SLC9A6: variants seen among roughly 807,000 people sequenced by gnomAD.
SLC9A6 encodes the protein solute carrier family 9 member A6, also known as sodium/hydrogen exchanger 6.
In SLC9A6, 6 loss-of-function variants were observed where a neutral mutation model predicts 45.3. The observed-to-expected ratio is 0.13, with a 90% confidence interval of 0.07 to 0.26. The LOEUF (loss-of-function observed/expected upper bound fraction) is 0.26. Ranked by LOEUF, SLC9A6 falls within the 10% of genes least tolerant of loss-of-function variation. The pLI is 1.00. For missense variants in SLC9A6, 278 were observed against 503.7 expected (o/e 0.55, Z 4.29); for synonymous variants, 191 against 187.7 (o/e 1.02, Z -0.14).
chrX:136,021,287 C>G (rs1347217101), intron 11 of SLC9A6, among the ~76,000 whole-genome samples: 1 of 111,586 alleles, frequency 9.0e-6, no homozygotes, highest in Admixed American at 9.6e-5. Flanking sequence ...CTGGCCTCCT[C>G]CTCTTTCTGA....
intron 11 of SLC9A6, among the ~76,000 whole-genome samples, chrX:136,021,367 C>G (rs1244425871): frequency 8.9e-6 from 1 of 111,762 alleles, no homozygotes; most frequent in Non-Finnish European, 1.9e-5. Flanking sequence ...CCTAATTGTT[C>G]AGTTTCAGTA....
chrX:136,030,083 C>A (rs2071292843), intron 14 of SLC9A6, 49 bp from the exon 15 acceptor site: 1 of 1,164,143 alleles, frequency 8.6e-7, no homozygotes. Flanking sequence ...TGTGAATAGA[C>A]CATTTTTTGG....
rs968757526 is a variant in SLC9A6 at position 136,045,834 on chromosome X, C to A, written c.*1110C>A. 3 of 111,919 alleles carry A rather than the reference C, an allele frequency of 2.7e-5. No individual in the cohort carries two copies. Among genetic ancestry groups the A allele is most frequent in the Admixed American group, 9.6e-5 (1 of 10,465 alleles). 9.2% of individuals were successfully genotyped at this position (111,919 alleles called of 1,213,427 possible). ...CACCAAAGTCAGTCATAAGAGAAAT[C>A]GAATATTCTGGAGCACTGATTGCAG... On this transcript the variant is annotated 3_prime_UTR_variant, in exon 18 of 18. Transcript: ENST00000630721.
chrX:136,021,637 G>T (rs1254468490), intron 11 of SLC9A6, among the ~76,000 whole-genome samples: 1 of 111,767 alleles, frequency 8.9e-6, no homozygotes, highest in Admixed American at 9.5e-5. Context: ...AGCAATTCTC[G>T]TGCCTCAGCC....
intron 8 of SLC9A6, among the ~76,000 whole-genome samples, chrX:136,011,343 G>A (rs2070917214): frequency 9.0e-6 from 1 of 111,725 alleles, no homozygotes; most frequent in Non-Finnish European, 1.9e-5. Context: ...GAGTTCAAGC[G>A]ATTCCCCCGC....
At chrX:135,979,476 A>G (rs1051863895) in intron 1 of SLC9A6, among the ~76,000 whole-genome samples, 10 of 111,509 alleles carry the variant, frequency 9.0e-5, no homozygotes, top group African/African-American at 3.3e-4. Flanking sequence ...CAACCTGTCC[A>G]TAGTTGAGCT....
Position 135,985,482 on chromosome X carries a change from G to GGGCGGGA in SLC9A6, c.-57+12_-57+18dup, listed in dbSNP as rs2089316526. 9.4e-7 allele frequency: 1 copy of GGGCGGGA among 1,061,687 alleles called. No homozygotes were observed. Among genetic ancestry groups the GGGCGGGA allele is most frequent in the African/African-American group, 1.9e-5 (1 of 51,456 alleles). The allele number at this position is 1,061,687 out of a possible 1,213,427, so 87.5% of individuals were successfully genotyped here. Reference sequence around the variant, plus strand: ...CCGCGGGCGGCCGCCGGTGAGGTAGGGGCGGGAGGCGGGGGGAGACATGGC... The same window carrying GGGCGGGA: ...CCGCGGGCGGCCGCCGGTGAGGTAGGGGCGGGAGGCGGGAGGCGGGGGGAGACATGGC... On this transcript the variant is annotated splice_donor_region_variant and intron_variant, in intron 1 of 17. Transcript: ENST00000630721.
Position 136,012,996 on chromosome X carries a change from C to T in SLC9A6, c.933C>T (p.Gly311=). ...KLREFQLLET[G]LFFLMSWSTF... Reference sequence around the variant, plus strand: ...GGGAGTTCCAGTTGTTGGAGACAGGCCTGTTCTTCTTGATGTCCTGGAGTA... The same window carrying T: ...GGGAGTTCCAGTTGTTGGAGACAGGTCTGTTCTTCTTGATGTCCTGGAGTA... Residue 311 remains glycine (G), a synonymous_variant, in exon 9 of 18, where the codon GGC becomes GGT. Transcript: ENST00000630721. 8.3e-7 allele frequency: 1 copy of T among 1,210,547 alleles called. No individual in the cohort carries two copies. The highest frequency in any genetic ancestry group is 1.1e-6 in the Non-Finnish European group (1 of 894,469).
chrX:136,012,069 G>T (rs915845074), intron 8 of SLC9A6, among the ~76,000 whole-genome samples: 1 of 112,374 alleles, frequency 8.9e-6, no homozygotes, highest in Non-Finnish European at 1.9e-5. Flanking sequence ...CAGCCTGGGC[G>T]ACAGTGCGAG....
intron 6 of SLC9A6, 91 bp downstream of exon 6, chrX:135,999,059 T>G: frequency 1.7e-6 from 1 of 605,090 alleles, no homozygotes; most frequent in Non-Finnish European, 2.9e-6. Context: ...AGGTGTAGAA[T>G]TCATGATTAG....
rs782100737 is a variant in SLC9A6, at chrX:136,016,744, G to A, written c.1180G>A (p.Val394Ile). 2 of 1,091,460 alleles carry A rather than the reference G, an allele frequency of 1.8e-6. No individual in the cohort carries two copies. The highest frequency in any genetic ancestry group is 2.5e-6 in the Non-Finnish European group (2 of 789,356). 89.9% of individuals were successfully genotyped at this position (1,091,460 alleles called of 1,213,427 possible). ...GAACCATGTCTTTAACCCAACATTT[G>A]TAGTAGGAGCATTTGTATCCTTTAT... ...FQNHVFNPTF[V>I]VGAFVAIFLG... Residue 394 changes from valine to isoleucine, a missense_variant, in exon 11 of 18, where the codon GTA (valine) becomes ATA (isoleucine). Val to Ile is a conservative substitution (Grantham distance 29, BLOSUM62 3). Coordinates refer to ENST00000630721, the MANE Select transcript of SLC9A6 (RefSeq NM_001379110.1).
Position 136,023,189 on chromosome X carries a change from A to G in SLC9A6, c.1306+492A>G, listed in dbSNP as rs1484088140. ...TATATATATATATATATATATATAT[A>G]TATATATATATATATATATATATAT... On this transcript the variant is annotated intron_variant, in intron 12 of 17. Transcript: ENST00000630721. 4.3e-3 allele frequency among the ~76,000 whole-genome samples: 169 copies of G among 39,633 alleles called. 2 individuals carry two copies. The highest frequency in any genetic ancestry group is 6.1e-3 in the Non-Finnish European group (144 of 23,565). The allele number at this position is 39,633 out of a possible 115,157, so 34.4% of individuals were successfully genotyped here.
At chrX:136,015,587 A>G (rs1393684298) in intron 10 of SLC9A6, among the ~76,000 whole-genome samples, 1 of 112,211 alleles carries the variant, frequency 8.9e-6, no homozygotes, top group Non-Finnish European at 1.9e-5. Context: ...GATAATGCAT[A>G]TGAAGTCCTT....
At chrX:136,040,330 A>G in intron 17 of SLC9A6, 149 bp downstream of exon 17, 1 of 470,432 alleles carries the variant, frequency 2.1e-6, no homozygotes, top group African/African-American at 2.4e-5. Context: ...ATTTTGCTCA[A>G]CCAGAAAATA....
At chrX:136,041,947 A>G (rs1603224614) in intron 17 of SLC9A6, among the ~76,000 whole-genome samples, 1 of 110,370 alleles carries the variant, frequency 9.1e-6, no homozygotes, top group Admixed American at 9.7e-5. Flanking sequence ...ATGTATCTCT[A>G]CTTTCATCTT....
intron 16 of SLC9A6, among the ~76,000 whole-genome samples, chrX:136,039,457 G>A (rs1442123551): frequency 3.6e-5 from 4 of 109,982 alleles, no homozygotes; most frequent in Non-Finnish European, 5.7e-5. Context: ...CTGAAATGAG[G>A]GCCTATGATA....
upstream of SLC9A6, chrX:135,983,492 G>T (rs1254393394): frequency 9.1e-6 from 1 of 109,595 alleles, no homozygotes; most frequent in Non-Finnish European, 1.9e-5. Flanking sequence ...GCTGGATGGA[G>T]AGAGAAGTAC....
At chrX:136,040,881 G>A (rs1556622491) in intron 17 of SLC9A6, among the ~76,000 whole-genome samples, 1 of 112,178 alleles carries the variant, frequency 8.9e-6, no homozygotes. Flanking sequence ...CAGCACTTTG[G>A]GAGGCCGAGG....
upstream of SLC9A6, among the ~76,000 whole-genome samples, chrX:135,980,580 G>A (rs782345876): frequency 1.6e-4 from 18 of 110,940 alleles, no homozygotes; most frequent in Non-Finnish European, 2.6e-4. Flanking sequence ...TTTTAGAGTC[G>A]TGGTCTCACT....
Sources: allele counts gnomAD v4.1 joint callset (sites outside exome capture counted in the v4.1 genomes callset), GRCh38; gene constraint gnomAD v4.1.1; transcripts MANE v1.5; gene names NCBI Gene and HGNC (gene_info 2026-07-23, HGNC 2026-07-21).